Variants in ARK2C observed in about 807,000 individuals in gnomAD.
ARK2C encodes arkadia (RNF111) C-terminal like ring finger ubiquitin ligase 2C.
At chr18:46,428,417 A>G in the ARK2C span, among the ~76,000 whole-genome samples, 2 of 152,152 alleles carry the variant, frequency 1.3e-5, no homozygotes, top group African/African-American at 2.4e-5. Context: ...CAAAACAAAA[A>G]GAAAAACAAA....
At chr18:46,361,341 T>C in the ARK2C span, among the ~76,000 whole-genome samples, 2 of 152,238 alleles carry the variant, frequency 1.3e-5, no homozygotes, top group Non-Finnish European at 2.9e-5. Context: ...TACTTCCATA[T>C]GTTTATAATG....
chr18:46,417,561 A>C, the ARK2C span, among the ~76,000 whole-genome samples: 1 of 152,344 alleles, frequency 6.6e-6, no homozygotes, highest in South Asian at 2.1e-4. Context: ...CTTCTCAGTG[A>C]AGGTTCTCTT....
At chr18:46,412,536 G>A in the ARK2C span, among the ~76,000 whole-genome samples, 1 of 152,248 alleles carries the variant, frequency 6.6e-6, no homozygotes, top group African/African-American at 2.4e-5. Flanking sequence ...GGTAGTGGGA[G>A]GAGATCAGGG....
At chr18:46,407,973 G>A in the ARK2C span, among the ~76,000 whole-genome samples, 1 of 152,236 alleles carries the variant, frequency 6.6e-6, no homozygotes. Flanking sequence ...CTTCCTGGGG[G>A]AGGTGGCATA....
At chr18:46,461,129 C>T in the ARK2C span, 3 of 152,250 alleles carry the variant, frequency 2.0e-5, no homozygotes, top group East Asian at 1.9e-4. Context: ...AGAAGGAGCC[C>T]TGGACTGGGG....
chr18:46,442,766 A>G, the ARK2C span, among the ~76,000 whole-genome samples: 1 of 152,068 alleles, frequency 6.6e-6, no homozygotes, highest in Non-Finnish European at 1.5e-5. Flanking sequence ...CTAGAACTCT[A>G]CTTATGAATT....
chr18:46,392,979 C>T, the ARK2C span, among the ~76,000 whole-genome samples: 4 of 152,248 alleles, frequency 2.6e-5, no homozygotes, highest in South Asian at 6.2e-4. Flanking sequence ...GAAGGGAAAT[C>T]GGCAACCATA....
the ARK2C span, among the ~76,000 whole-genome samples, chr18:46,379,434 A>G: frequency 5.3e-5 from 8 of 151,994 alleles, no homozygotes; most frequent in Non-Finnish European, 1.2e-4. Context: ...TTACCCTCAC[A>G]CCCACCTTCC....
the ARK2C span, among the ~76,000 whole-genome samples, chr18:46,348,900 C>CTGTGTGTGCG: frequency 6.9e-6 from 1 of 144,598 alleles, no homozygotes; most frequent in African/African-American, 2.6e-5. Flanking sequence ...CTCTCTCTTT[C>CTGTGTGTGCG]TGTGTGTGTG....
chr18:46,452,442 G>A, the ARK2C span, among the ~76,000 whole-genome samples: 1 of 151,802 alleles, frequency 6.6e-6, no homozygotes, highest in African/African-American at 2.4e-5. Context: ...ACCACACCCA[G>A]CTAATTTTTA....
the ARK2C span, among the ~76,000 whole-genome samples, chr18:46,423,939 T>C: frequency 6.6e-6 from 1 of 152,336 alleles, no homozygotes; most frequent in African/African-American, 2.4e-5. Flanking sequence ...CCTTCCCTCT[T>C]TCTTTTCCTC....
At chr18:46,388,685 G>A in the ARK2C span, among the ~76,000 whole-genome samples, 1 of 152,100 alleles carries the variant, frequency 6.6e-6, no homozygotes, top group African/African-American at 2.4e-5. Context: ...CTTGGGGCTG[G>A]GCATGGGTTT....
chr18:46,336,047 G>C, the ARK2C span: 2 of 985,394 alleles, frequency 2.0e-6, no homozygotes, highest in Non-Finnish European at 2.4e-6. Flanking sequence ...CTAGCCATGG[G>C]GGTGAGGGGG....
the ARK2C span, among the ~76,000 whole-genome samples, chr18:46,359,325 G>A: frequency 2.0e-5 from 3 of 152,176 alleles, no homozygotes; most frequent in Non-Finnish European, 4.4e-5. Flanking sequence ...CGTGACAAAG[G>A]GAGTGTGCAG....
At chr18:46,391,358 G>A in the ARK2C span, among the ~76,000 whole-genome samples, 4 of 152,116 alleles carry the variant, frequency 2.6e-5, no homozygotes, top group Admixed American at 2.6e-4. Context: ...CGACATTACA[G>A]CTCTTTCAGG....
chr18:46,463,016 A>C, the ARK2C span: 1 of 152,288 alleles, frequency 6.6e-6, no homozygotes, highest in African/African-American at 2.4e-5. Flanking sequence ...TATGAATATT[A>C]AAGCAATAGT....
the ARK2C span, among the ~76,000 whole-genome samples, chr18:46,389,398 A>G: frequency 6.6e-6 from 1 of 152,222 alleles, no homozygotes; most frequent in South Asian, 2.1e-4. Context: ...ACAGACTCAC[A>G]CTGTTTTAGG....
chr18:46,440,987 A>G, the ARK2C span, among the ~76,000 whole-genome samples: 1 of 151,598 alleles, frequency 6.6e-6, no homozygotes, highest in African/African-American at 2.4e-5. Flanking sequence ...TGGCATTATT[A>G]TTTTTAATTA....
At chr18:46,446,258 C>T in the ARK2C span, among the ~76,000 whole-genome samples, 6 of 152,134 alleles carry the variant, frequency 3.9e-5, no homozygotes, top group African/African-American at 9.7e-5. Context: ...TCAATCATCC[C>T]TTATTCATTT....
Sources: allele counts gnomAD v4.1 joint callset (sites outside exome capture counted in the v4.1 genomes callset), GRCh38; gene constraint gnomAD v4.1.1; transcripts MANE v1.5; gene names NCBI Gene and HGNC (gene_info 2026-07-23, HGNC 2026-07-21).